RAPGEF1: variants seen among roughly 807,000 people sequenced by gnomAD.
RAPGEF1 encodes the protein CRK SH3-binding GNRP.
Under a neutral mutation model 143.3 loss-of-function variants are expected in RAPGEF1, and 33 were observed. The observed-to-expected ratio is 0.23, with a 90% CI of 0.17 to 0.31. The LOEUF (loss-of-function observed/expected upper bound fraction) is 0.31. RAPGEF1 is among the 10% of genes least tolerant of loss of function. The probability of loss-of-function intolerance (pLI) is 1.00; values close to 1 mark genes in which losing one functional copy is unlikely to be tolerated. For missense variants in RAPGEF1, 1,199 were observed against 1,645.4 expected, an observed-to-expected ratio of 0.73 and a Z score of 4.69; for synonymous variants, 629 against 676.5, an observed-to-expected ratio of 0.93 and a Z score of 1.09.
chr9:131,729,793 G>A (rs766457828), intron 1 of RAPGEF1, among the ~76,000 whole-genome samples: 25 of 152,144 alleles, frequency 1.6e-4, no homozygotes, highest in African/African-American at 4.8e-4. Context: ...ACACACACAC[G>A]TCTGAAGGTA....
intron 1 of RAPGEF1, among the ~76,000 whole-genome samples, chr9:131,718,512 G>C (rs1467929347): frequency 6.6e-6 from 1 of 152,166 alleles, no homozygotes; most frequent in African/African-American, 2.4e-5. Context: ...CCTGGAGTAA[G>C]GGGTCAGCAG....
chr9:131,685,169 T>C (rs371956261), intron 1 of RAPGEF1, among the ~76,000 whole-genome samples: 2 of 152,352 alleles, frequency 1.3e-5, no homozygotes, highest in South Asian at 4.1e-4. Flanking sequence ...GTGATTTCAA[T>C]GATGATTGTG....
chr9:131,699,896 C>T (rs912301292), intron 1 of RAPGEF1, among the ~76,000 whole-genome samples: 1 of 152,082 alleles, frequency 6.6e-6, no homozygotes, highest in Non-Finnish European at 1.5e-5. Context: ...GTCAACAACT[C>T]TCAAAAAAGC....
intron 1 of RAPGEF1, among the ~76,000 whole-genome samples, chr9:131,725,970 A>G (rs1440748504): frequency 1.3e-5 from 2 of 151,802 alleles, no homozygotes; most frequent in Non-Finnish European, 2.9e-5. Context: ...CATGTTAGCC[A>G]GGATGGTCTC....
At chr9:131,619,023 A>G (rs1383023026) in intron 12 of RAPGEF1, 28 bp downstream of exon 12, 2 of 1,349,638 alleles carry the variant, frequency 1.5e-6, no homozygotes, top group Non-Finnish European at 2.0e-6. Context: ...ACGCGTTTCC[A>G]AGTAAAGAAC....
At position 131,641,449 on chromosome 9, in the gene RAPGEF1, G is replaced by T. The variant is rs982985990; in HGVS notation, c.494+1790C>A. On this transcript the variant is annotated intron_variant, in intron 4 of 26. Transcript: ENST00000683357. This position sits in a 1 kb window ranked among gnomAD's most constrained non-coding sequence, Gnocchi z 4.6. ...TGCTTTCCCTCAGGTCGGGCTCCAG[G>T]AACTACTCAGTCAAGAGGCTTCATC... 1.3e-5 allele frequency among the ~76,000 whole-genome samples: 2 copies of T among 152,094 alleles called. No individual in the cohort carries two copies. The highest frequency in any genetic ancestry group is 2.9e-5 in the Non-Finnish European group (2 of 68,020).
At chr9:131,714,441 G>A (rs962155383) in intron 1 of RAPGEF1, among the ~76,000 whole-genome samples, 2 of 152,004 alleles carry the variant, frequency 1.3e-5, no homozygotes, top group South Asian at 2.1e-4. Flanking sequence ...GCTCTCAGGC[G>A]GGTACCCGGT....
chr9:131,676,168 T>G (rs1173705007), intron 1 of RAPGEF1, among the ~76,000 whole-genome samples: 1 of 152,122 alleles, frequency 6.6e-6, no homozygotes, highest in Non-Finnish European at 1.5e-5. Context: ...AAGAAAACCG[T>G]GGACAGAAGG....
chr9:131,630,208 C>T (rs771902667), intron 6 of RAPGEF1, 28 bp downstream of exon 6: 31 of 1,608,386 alleles, frequency 1.9e-5, no homozygotes, highest in East Asian at 8.9e-5. Flanking sequence ...GCGTGACACC[C>T]GCGACACGAG....
intron 1 of RAPGEF1, among the ~76,000 whole-genome samples, chr9:131,703,637 G>A (rs372577191): frequency 2.6e-5 from 4 of 152,146 alleles, no homozygotes; most frequent in South Asian, 4.1e-4. Context: ...ACTCCACCCT[G>A]GCACCTGGGC....
At chr9:131,673,282 A>AT (rs1831699912) in intron 1 of RAPGEF1, among the ~76,000 whole-genome samples, 1 of 152,166 alleles carries the variant, frequency 6.6e-6, no homozygotes, top group East Asian at 1.9e-4. Flanking sequence ...AGATACAGTG[A>AT]TTTTCAAATC....
At chr9:131,624,913 A>C (rs1456679551) in intron 10 of RAPGEF1, among the ~76,000 whole-genome samples, 6 of 152,252 alleles carry the variant, frequency 3.9e-5, no homozygotes. Flanking sequence ...CTGGGGATAC[A>C]TGACATCATC....
At chr9:131,676,821 C>T (rs1346156338) in intron 1 of RAPGEF1, among the ~76,000 whole-genome samples, 1 of 152,248 alleles carries the variant, frequency 6.6e-6, no homozygotes, top group Non-Finnish European at 1.5e-5. Context: ...GCCTAGTCAG[C>T]GGTTCTCAAA....
intron 1 of RAPGEF1, among the ~76,000 whole-genome samples, chr9:131,729,928 C>A (rs1836919644): frequency 6.6e-6 from 1 of 152,230 alleles, no homozygotes; most frequent in African/African-American, 2.4e-5. Context: ...GGCGCAGTGG[C>A]TCACGCCTGT....
At chr9:131,593,265 T>C (rs1954664014) in intron 17 of RAPGEF1, among the ~76,000 whole-genome samples, 1 of 152,204 alleles carries the variant, frequency 6.6e-6, no homozygotes, top group Admixed American at 6.5e-5. Context: ...TCCCAGACTT[T>C]CCAGAATTAC....
chr9:131,646,832 A>C (rs1330801941), intron 3 of RAPGEF1, among the ~76,000 whole-genome samples: 1 of 152,202 alleles, frequency 6.6e-6, no homozygotes, highest in African/African-American at 2.4e-5. Context: ...CTATTAGTCC[A>C]GAACAGTGAG....
intron 1 of RAPGEF1, among the ~76,000 whole-genome samples, chr9:131,705,201 C>T (rs1384810755): frequency 6.6e-6 from 1 of 152,186 alleles, no homozygotes; most frequent in Non-Finnish European, 1.5e-5. Context: ...AACCACCATG[C>T]CCTGCATAAG....
intron 1 of RAPGEF1, among the ~76,000 whole-genome samples, chr9:131,720,458 A>G (rs1836184402): frequency 1.3e-5 from 2 of 152,110 alleles, no homozygotes; most frequent in South Asian, 4.1e-4. Flanking sequence ...CTCGCTAGAG[A>G]TGCTCATTCT....
rs374117542 is a variant in RAPGEF1 at position 131,681,956 on chromosome 9, C to T, written c.62-31007G>A. On this transcript the variant is annotated intron_variant, in intron 1 of 26. Transcript: ENST00000683357. ...TAGTGTTGCAGTTATTAGCTTTCGA[C>T]AATGCTAATCCCGACTGCCAGGCTG... Among the ~76,000 whole-genome samples the T allele has an allele frequency of 5.4e-4, 82 of 152,294 alleles. No homozygotes were observed. In the South Asian group the frequency reaches 0.016, roughly 30 times the overall value.
Sources: allele counts gnomAD v4.1 joint callset (sites outside exome capture counted in the v4.1 genomes callset), GRCh38; gene constraint gnomAD v4.1.1; non-coding constraint Gnocchi (gnomAD v3.1); transcripts MANE v1.5; gene names NCBI Gene and HGNC (gene_info 2026-07-23, HGNC 2026-07-21).